Variants in TMEM62 observed in about 807,000 individuals in gnomAD.
The protein encoded by TMEM62 is transmembrane protein 62.
In TMEM62, 41 loss-of-function variants were observed where a neutral mutation model predicts 70.4. The observed-to-expected ratio is 0.58, with a 90% CI of 0.45 to 0.76. The LOEUF (loss-of-function observed/expected upper bound fraction) is 0.76, where lower values mean the gene tolerates loss of function less well. Among genes scored for constraint, TMEM62 ranks in the 30% least tolerant of loss-of-function variants. The pLI, the probability that TMEM62 is intolerant of heterozygous loss-of-function variation, is 0.00. For synonymous variants in TMEM62, 268 were observed against 291.0 expected (o/e 0.92, Z 0.80); for missense variants, 688 against 788.5 (o/e 0.87, Z 1.53).
chr15:43,160,407 C>G (rs1567210839), intron 9 of TMEM62: 2 of 266,364 alleles, frequency 7.5e-6, no homozygotes, highest in Non-Finnish European at 1.4e-5. Flanking sequence ...AAATATTAGC[C>G]AGGCGTAGTG....
At chr15:43,164,451 CTTTT>C (rs943352342) in intron 10 of TMEM62, among the ~76,000 whole-genome samples, 2 of 134,798 alleles carry the variant, frequency 1.5e-5, no homozygotes, top group Non-Finnish European at 1.6e-5. Context: ...TTTTTCTTTT[CTTTT>C]TTTTTTTTTT....
chr15:43,150,707 C>CTATT (rs2037256425), intron 7 of TMEM62, among the ~76,000 whole-genome samples: 1 of 152,156 alleles, frequency 6.6e-6, no homozygotes, highest in Non-Finnish European at 1.5e-5. Flanking sequence ...CTTAAAATTC[C>CTATT]TATTTCGACA....
intron 7 of TMEM62, among the ~76,000 whole-genome samples, chr15:43,150,460 T>C (rs986476590): frequency 1.1e-4 from 16 of 152,216 alleles, no homozygotes; most frequent in African/African-American, 3.9e-4. Context: ...TGGAGCGTAC[T>C]CCAGATAAAA....
chr15:43,171,772 C>T (rs372806545), intron 11 of TMEM62, among the ~76,000 whole-genome samples: 3 of 151,618 alleles, frequency 2.0e-5, no homozygotes, highest in Non-Finnish European at 2.9e-5. Flanking sequence ...GGACTACAGG[C>T]GCCCACCACC....
intron 9 of TMEM62, among the ~76,000 whole-genome samples, chr15:43,156,137 A>C (rs1413994860): frequency 6.6e-6 from 1 of 152,200 alleles, no homozygotes; most frequent in African/African-American, 2.4e-5. Context: ...AATTTGAAAC[A>C]CTAAATAATT....
At chr15:43,134,015 G>C in intron 1 of TMEM62, 33 bp downstream of exon 1, 1 of 1,436,884 alleles carries the variant, frequency 7.0e-7, no homozygotes, top group South Asian at 1.5e-5. Context: ...CGGGAGGCAG[G>C]TGCAGATCGG....
At chr15:43,138,074 G>A (rs1201939260) in intron 3 of TMEM62, among the ~76,000 whole-genome samples, 1 of 152,214 alleles carries the variant, frequency 6.6e-6, no homozygotes, top group African/African-American at 2.4e-5. Context: ...GCTTAGCCTG[G>A]AGCTTGGGAC....
intron 7 of TMEM62, 104 bp from the exon 8 acceptor site, chr15:43,151,685 TA>T: frequency 1.0e-6 from 1 of 971,088 alleles, no homozygotes; most frequent in East Asian, 2.5e-5. Flanking sequence ...ATTAATCATG[TA>T]AAAAAGTCCT....
chr15:43,174,878 T>C (rs1286573877), intron 11 of TMEM62, among the ~76,000 whole-genome samples: 4 of 152,244 alleles, frequency 2.6e-5, no homozygotes, highest in Non-Finnish European at 4.4e-5. Context: ...TAAGCATCAG[T>C]ATCTTTTAAA....
chr15:43,140,246 G>A (rs2035813926), intron 4 of TMEM62, among the ~76,000 whole-genome samples: 1 of 152,198 alleles, frequency 6.6e-6, no homozygotes, highest in African/African-American at 2.4e-5. Flanking sequence ...TAACGTGGCT[G>A]TAACTGTCTT....
chr15:43,148,679 G>A, intron 5 of TMEM62, 76 bp from the exon 6 acceptor site: 1 of 1,501,638 alleles, frequency 6.7e-7, no homozygotes, highest in Non-Finnish European at 9.0e-7. Context: ...ATCTTCAGAG[G>A]AGTTTTCTAA....
chr15:43,146,341 T>C, intron 4 of TMEM62, 152 bp from the exon 5 acceptor site: 1 of 661,656 alleles, frequency 1.5e-6, no homozygotes, highest in Non-Finnish European at 2.4e-6. Context: ...TGAAATTTCA[T>C]CAGTTTATCC....
intron 5 of TMEM62, among the ~76,000 whole-genome samples, chr15:43,147,099 G>A (rs2036770086): frequency 6.6e-6 from 1 of 152,204 alleles, no homozygotes; most frequent in African/African-American, 2.4e-5. Context: ...AAATAGCTAA[G>A]ATTACAGGCA....
intron 10 of TMEM62, among the ~76,000 whole-genome samples, chr15:43,161,237 G>C (rs1203478372): frequency 6.6e-6 from 1 of 152,142 alleles, no homozygotes; most frequent in Non-Finnish European, 1.5e-5. Context: ...TTGTCTAGAA[G>C]AATAAAATGC....
chr15:43,144,789 CTG>C (rs1206233239), intron 4 of TMEM62, among the ~76,000 whole-genome samples: 3 of 152,068 alleles, frequency 2.0e-5, no homozygotes, highest in South Asian at 2.1e-4. Context: ...TTCATGGTGA[CTG>C]TGGGGAGTTA....
intron 11 of TMEM62, among the ~76,000 whole-genome samples, chr15:43,176,240 C>G (rs1051182276): frequency 6.6e-6 from 1 of 152,242 alleles, no homozygotes; most frequent in African/African-American, 2.4e-5. Flanking sequence ...TCTGTAGGCT[C>G]CACCTCTGGG....
chr15:43,135,510 A>G lies in TMEM62; in HGVS notation c.293-2A>G. 1 of 1,588,706 alleles carries G rather than the reference A, an allele frequency of 6.3e-7. No homozygotes were observed. Among genetic ancestry groups the G allele is most frequent in the Non-Finnish European group, 8.5e-7 (1 of 1,173,880 alleles). ...TGATTCAATTCTTGTGTAAACCTAC[A>G]GGAGACCTGACAGATGCCAAAACAA... On this transcript the variant is annotated splice_acceptor_variant, in intron 2 of 13. Coordinates refer to ENST00000260403, the MANE Select transcript of TMEM62 (RefSeq NM_024956.4). LOFTEE classifies it high-confidence loss of function.
At chr15:43,169,730 A>T in intron 11 of TMEM62, 53 bp downstream of exon 11, 1 of 1,453,340 alleles carries the variant, frequency 6.9e-7, no homozygotes, top group Non-Finnish European at 9.6e-7. Context: ...AAAAAACCAA[A>T]CTCCGTAAAA....
intron 10 of TMEM62, among the ~76,000 whole-genome samples, chr15:43,165,917 T>A (rs2039357960): frequency 6.6e-6 from 1 of 152,232 alleles, no homozygotes; most frequent in Non-Finnish European, 1.5e-5. Context: ...TGGTCTCTGG[T>A]GCCTTATTTA....
Sources: allele counts gnomAD v4.1 joint callset (sites outside exome capture counted in the v4.1 genomes callset), GRCh38; gene constraint gnomAD v4.1.1; transcripts MANE v1.5; gene names NCBI Gene and HGNC (gene_info 2026-07-23, HGNC 2026-07-21).